The following SGCD variants were observed in gnomAD, a reference collection of about 807,000 sequenced individuals.
SGCD encodes the protein delta-sarcoglycan.
A neutral mutation model predicts 36.6 loss-of-function variants in SGCD; 18 were observed. The ratio of observed to expected loss-of-function variants is 0.49; its 90% confidence interval spans 0.34 to 0.73. The LOEUF (loss-of-function observed/expected upper bound fraction) is 0.73. SGCD is among the 30% of genes least tolerant of loss of function. The probability of loss-of-function intolerance (pLI) is 0.01; values close to 1 mark genes in which losing one functional copy is unlikely to be tolerated. For synonymous variants in SGCD, 133 were observed against 130.6 expected, an observed-to-expected ratio of 1.02 and a Z score of -0.12; for missense variants, 387 against 346.7, an observed-to-expected ratio of 1.12 and a Z score of -0.92.
chr5:156,524,875 TC>T (rs1757578743), intron 4 of SGCD, among the ~76,000 whole-genome samples: 1 of 152,096 alleles, frequency 6.6e-6, no homozygotes, highest in Admixed American at 6.6e-5. Context: ...CTTAATGTTC[TC>T]CAGGTTCATC....
At chr5:156,604,957 T>C (rs1761366003) in intron 6 of SGCD, among the ~76,000 whole-genome samples, 1 of 151,780 alleles carries the variant, frequency 6.6e-6, no homozygotes, top group Non-Finnish European at 1.5e-5. Context: ...GCCTTCATAT[T>C]AAGGGATTGA....
chr5:155,759,464 TATTA>T, the SGCD span, among the ~76,000 whole-genome samples: 2 of 152,220 alleles, frequency 1.3e-5, no homozygotes, highest in African/African-American at 2.4e-5. Context: ...CATTTATATT[TATTA>T]ATTGTTTAAG....
intron 3 of SGCD, among the ~76,000 whole-genome samples, chr5:156,453,440 A>C (rs1270971743): frequency 5.3e-5 from 8 of 152,188 alleles, no homozygotes; most frequent in Non-Finnish European, 1.0e-4. Flanking sequence ...AGCAAGTGTT[A>C]CATGTAAACA....
At position 156,478,584 on chromosome 5, in the gene SGCD, C is replaced by CT. The variant is rs201194656; in HGVS notation, c.193-30009dup. On this transcript the variant is annotated intron_variant, in intron 3 of 8. Coordinates refer to ENST00000337851, the MANE Select transcript of SGCD (RefSeq NM_000337.6). ...TCTGGCTGAATCATTCTCCAGTTGA[C>CT]TTTTTTTTGTTTTTGAGACAGAGTC... is the stretch of plus-strand genomic sequence containing the variant. Among the ~76,000 whole-genome samples the CT allele has an allele frequency of 9.2e-3, 1,395 of 152,050 alleles. 17 individuals are homozygous for CT. Among genetic ancestry groups the CT allele is most frequent in the South Asian group, 0.024 (116 of 4,810 alleles).
intron 3 of SGCD, among the ~76,000 whole-genome samples, chr5:156,297,304 C>T (rs908915577): frequency 1.3e-5 from 2 of 151,942 alleles, no homozygotes; most frequent in African/African-American, 4.8e-5. Flanking sequence ...ACCCAAAGGA[C>T]TATAAATCAT....
intron 3 of SGCD, among the ~76,000 whole-genome samples, chr5:156,485,536 G>A (rs753543873): frequency 3.9e-5 from 6 of 152,184 alleles, no homozygotes; most frequent in South Asian, 2.1e-4. Flanking sequence ...GGTGGTACAC[G>A]CCTGTAGTCC....
intron 7 of SGCD, among the ~76,000 whole-genome samples, chr5:156,726,255 C>T (rs1030112597): frequency 2.0e-5 from 3 of 152,284 alleles, no homozygotes; most frequent in Middle Eastern, 3.4e-3. Flanking sequence ...AAACTGCCCC[C>T]TAAGAATGTT....
intron 3 of SGCD, among the ~76,000 whole-genome samples, chr5:156,486,108 G>C (rs1445527885): frequency 6.6e-6 from 1 of 152,080 alleles, no homozygotes; most frequent in African/African-American, 2.4e-5. Context: ...GCTCTCAGCA[G>C]ACTATATCCT....
intron 3 of SGCD, among the ~76,000 whole-genome samples, chr5:156,257,300 C>T (rs1237711128): frequency 6.6e-6 from 1 of 151,902 alleles, no homozygotes; most frequent in African/African-American, 2.4e-5. Flanking sequence ...CGGTGAAACC[C>T]CGTCTCTACT....
intron 3 of SGCD, among the ~76,000 whole-genome samples, chr5:156,450,515 A>G (rs1277069244): frequency 6.6e-6 from 1 of 151,234 alleles, no homozygotes; most frequent in East Asian, 1.9e-4. Flanking sequence ...AGAATTGCAT[A>G]CAGTAAGCTG....
the SGCD span, among the ~76,000 whole-genome samples, chr5:155,804,635 G>A: frequency 6.6e-6 from 1 of 152,172 alleles, no homozygotes; most frequent in African/African-American, 2.4e-5. Context: ...TTGTGACCCT[G>A]CTGTTTCTCC....
chr5:156,686,176 C>T (rs538183548), intron 7 of SGCD, among the ~76,000 whole-genome samples: 2 of 152,166 alleles, frequency 1.3e-5, no homozygotes, highest in African/African-American at 2.4e-5. Context: ...TGTTTTTATC[C>T]CCATTTCATT....
intron 1 of SGCD, among the ~76,000 whole-genome samples, chr5:155,987,505 A>G (rs1043985668): frequency 6.6e-6 from 1 of 152,144 alleles, no homozygotes; most frequent in Non-Finnish European, 1.5e-5. Context: ...CCAATTATCT[A>G]TCTCTAACAG....
At chr5:156,589,541 GA>G (rs201968001) in intron 5 of SGCD, among the ~76,000 whole-genome samples, 1 of 152,242 alleles carries the variant, frequency 6.6e-6, no homozygotes, top group Non-Finnish European at 1.5e-5. Flanking sequence ...AGTGGGGTAA[GA>G]AAAAAAATTT....
intron 3 of SGCD, among the ~76,000 whole-genome samples, chr5:156,473,500 C>T (rs1029520107): frequency 6.6e-6 from 1 of 152,170 alleles, no homozygotes; most frequent in African/African-American, 2.4e-5. Flanking sequence ...TTGTTTACTT[C>T]TGTTATTTTC....
chr5:156,428,508 T>C (rs1454877440), intron 3 of SGCD, among the ~76,000 whole-genome samples: 1 of 152,120 alleles, frequency 6.6e-6, no homozygotes, highest in East Asian at 1.9e-4. Context: ...TTCATTGATA[T>C]TTTGTAATTT....
chr5:155,784,370 C>T, the SGCD span, among the ~76,000 whole-genome samples: 221 of 152,252 alleles, frequency 1.5e-3, 1 homozygote, highest in African/African-American at 4.7e-3. Context: ...GATTTCAGGG[C>T]GAGCAGTAAG....
intron 7 of SGCD, among the ~76,000 whole-genome samples, chr5:156,688,173 A>C (rs1338787788): frequency 6.6e-6 from 1 of 152,086 alleles, no homozygotes; most frequent in Non-Finnish European, 1.5e-5. Flanking sequence ...TAATAAGCCT[A>C]ATATCCTTTA....
intron 1 of SGCD, among the ~76,000 whole-genome samples, chr5:155,904,730 A>T (rs1190397449): frequency 1.3e-5 from 2 of 152,138 alleles, no homozygotes; most frequent in Non-Finnish European, 2.9e-5. Context: ...TAGGTTTTTT[A>T]AAAAATACAA....
Sources: allele counts gnomAD v4.1 joint callset (sites outside exome capture counted in the v4.1 genomes callset), GRCh38; gene constraint gnomAD v4.1.1; transcripts MANE v1.5; gene names NCBI Gene and HGNC (gene_info 2026-07-23, HGNC 2026-07-21).